Variants in DENND5A observed in about 807,000 individuals in gnomAD.
The protein encoded by DENND5A is DENN domain-containing protein 5A.
DENND5A carries 64 observed loss-of-function variants against 140.3 expected under a neutral mutation model. The ratio of observed to expected loss-of-function variants is 0.46; its 90% confidence interval spans 0.37 to 0.56. The LOEUF (loss-of-function observed/expected upper bound fraction) is 0.56. DENND5A is among the 20% of genes least tolerant of loss of function. The probability of loss-of-function intolerance (pLI) is 0.00; values close to 1 mark genes in which losing one functional copy is unlikely to be tolerated. For synonymous variants in DENND5A, 605 were observed against 607.7 expected, an observed-to-expected ratio of 1.00 and a Z score of 0.07; for missense variants, 1,292 against 1,593.8, an observed-to-expected ratio of 0.81 and a Z score of 3.22.
intron 8 of DENND5A, among the ~76,000 whole-genome samples, chr11:9,175,059 A>C (rs1848503960): frequency 6.6e-6 from 1 of 152,204 alleles, no homozygotes; most frequent in African/African-American, 2.4e-5. Flanking sequence ...TTCACAGGTA[A>C]TATGACTGTC....
chr11:9,139,474 T>G lies in DENND5A; in HGVS notation c.*197A>C. 2 of 585,048 alleles carry G rather than the reference T, an allele frequency of 3.4e-6. No homozygotes were observed. Among genetic ancestry groups the G allele is most frequent in the Non-Finnish European group, 6.0e-6 (2 of 335,480 alleles). The allele number at this position is 585,048 out of a possible 1,614,324, so 36.2% of individuals were successfully genotyped here. A position where few individuals can be genotyped will look rare whatever the true frequency, so the allele number is the denominator to read the frequency against. On this transcript the variant is annotated 3_prime_UTR_variant, in exon 23 of 23. Transcript: ENST00000328194. ...TCCCTCTCCCTATCACTCTTTCACA[T>G]GAAAGTGTGTAAAAAGCAAATCAGC...
chr11:9,188,371 T>G, intron 5 of DENND5A, among the ~76,000 whole-genome samples: 1 of 152,156 alleles, frequency 6.6e-6, no homozygotes, highest in East Asian at 1.9e-4. Context: ...ATCAGCAACA[T>G]GAGAAAAGAC....
rs773130783 is a variant in DENND5A at position 9,145,760 on chromosome 11, G to A, written c.2913C>T (p.Phe971=). Residue 971 remains phenylalanine (F), a synonymous_variant, in exon 17 of 23, where the codon TTC becomes TTT. Transcript: ENST00000328194. ...VPSKKLGGSM[F]TANPWICISG... The stretch of plus-strand genomic sequence containing the variant: ...ATATACAGATCCATGGGTTGGCAGT[G>A]AACATGGAGCCCCCCAGCTTCTTGC... The A allele has an allele frequency of 6.2e-7, 1 of 1,614,182 alleles. No homozygotes were observed. Among genetic ancestry groups the A allele is most frequent in the African/African-American group, 1.3e-5 (1 of 75,046 alleles).
chr11:9,217,093 G>T lies in DENND5A; in HGVS notation c.110-9461C>A, dbSNP rs570778736. Among the ~76,000 whole-genome samples the T allele has an allele frequency of 1.6e-4, 24 of 152,246 alleles. 1 individual carries two copies. The South Asian group carries it at 4.8e-3, about 30-fold the overall frequency. ...CAGCTGATGAACAGATGAATGAAAT[G>T]TATAATAATACAATGGAACATTATT... On this transcript the variant is annotated intron_variant, in intron 1 of 22. Coordinates refer to ENST00000328194, the MANE Select transcript of DENND5A (RefSeq NM_015213.4).
intron 1 of DENND5A, among the ~76,000 whole-genome samples, chr11:9,215,267 A>C (rs796159445): frequency 5.3e-5 from 8 of 152,298 alleles, no homozygotes; most frequent in African/African-American, 1.9e-4. Context: ...GATCCAACTC[A>C]TGTACCTAGT....
At chr11:9,231,990 T>C (rs1207518264) in intron 1 of DENND5A, among the ~76,000 whole-genome samples, 2 of 152,258 alleles carry the variant, frequency 1.3e-5, no homozygotes, top group East Asian at 3.9e-4. Flanking sequence ...ATGGTAATGT[T>C]TCTCTTTCAC....
At chr11:9,155,436 C>T (rs1454542200) in intron 12 of DENND5A, among the ~76,000 whole-genome samples, 1 of 152,140 alleles carries the variant, frequency 6.6e-6, no homozygotes, top group East Asian at 1.9e-4. Context: ...GCCACTATAC[C>T]AGAAGAAGGA....
chr11:9,146,805 T>C (rs745757129), intron 16 of DENND5A: 37 of 496,156 alleles, frequency 7.5e-5, no homozygotes, highest in African/African-American at 9.7e-5. Flanking sequence ...GACAACACAA[T>C]GGCAAAAAAG....
intron 10 of DENND5A, among the ~76,000 whole-genome samples, chr11:9,166,268 G>A (rs936451762): frequency 3.3e-5 from 5 of 151,584 alleles, no homozygotes; most frequent in African/African-American, 4.8e-5. Flanking sequence ...TAGTAGAGAC[G>A]GGGTTTCACC....
intron 5 of DENND5A, among the ~76,000 whole-genome samples, chr11:9,189,628 TTTG>T (rs1408526879): frequency 6.6e-6 from 1 of 151,678 alleles, no homozygotes; most frequent in Admixed American, 6.6e-5. Flanking sequence ...GTTTTTTTTT[TTTG>T]GTTTTTTTGT....
intron 4 of DENND5A, among the ~76,000 whole-genome samples, chr11:9,196,159 G>C (rs1358310581): frequency 6.6e-6 from 1 of 152,100 alleles, no homozygotes. Flanking sequence ...CATCATGTTG[G>C]CAAGGGTGGT....
chr11:9,178,500 T>C (rs1188355099), intron 7 of DENND5A, 134 bp from the exon 8 acceptor site: 1 of 444,248 alleles, frequency 2.3e-6, no homozygotes, highest in Non-Finnish European at 4.0e-6. Flanking sequence ...ATCTCTACAT[T>C]AAAAAAAAAA....
At chr11:9,197,566 G>A (rs919261358) in intron 4 of DENND5A, among the ~76,000 whole-genome samples, 8 of 151,572 alleles carry the variant, frequency 5.3e-5, no homozygotes, top group African/African-American at 7.3e-5. Flanking sequence ...GTGGTTGCAC[G>A]TACCTGTAGT....
At chr11:9,243,086 T>TTA (rs1851305665) in intron 1 of DENND5A, among the ~76,000 whole-genome samples, 3 of 19,076 alleles carry the variant, frequency 1.6e-4, no homozygotes, top group South Asian at 3.1e-3. Context: ...AGACTCTGTC[T>TTA]CAAAAAAAAA....
chr11:9,174,881 CA>C (rs1177761707), intron 8 of DENND5A, among the ~76,000 whole-genome samples: 1 of 151,670 alleles, frequency 6.6e-6, no homozygotes, highest in Non-Finnish European at 1.5e-5. Context: ...CTATGAAAAA[CA>C]AAGGAATAAG....
intron 1 of DENND5A, among the ~76,000 whole-genome samples, chr11:9,235,800 G>C (rs1850975911): frequency 1.3e-5 from 2 of 152,156 alleles, no homozygotes; most frequent in East Asian, 1.9e-4. Context: ...CAGACTACTA[G>C]TTGCCACAGG....
rs1847343929 is a variant in DENND5A at position 9,144,202 on chromosome 11, T to C, written c.3199A>G (p.Thr1067Ala). 6.2e-7 allele frequency: 1 copy of C among 1,614,168 alleles called. No homozygotes were observed. Among genetic ancestry groups the C allele is most frequent in the Non-Finnish European group, 8.5e-7 (1 of 1,180,020 alleles). The change falls in exon 19 of 23, where the codon ACA (threonine) becomes GCA (alanine). Residue 1067 changes from threonine (T) to alanine (A), a missense_variant. Thr to Ala is a moderately conservative substitution (Grantham distance 58). Transcript: ENST00000328194. ...LERILVGELLTSQPEVDERPC... is the reference protein window; with the variant it reads ...LERILVGELLASQPEVDERPC... ...CTCTCATCCACCTCAGGCTGGGATGTGAGCAGCTCCCCAACTAGGATCCGC... is the reference window on the plus strand; with the variant it reads ...CTCTCATCCACCTCAGGCTGGGATGCGAGCAGCTCCCCAACTAGGATCCGC...
intron 4 of DENND5A, among the ~76,000 whole-genome samples, chr11:9,195,983 C>T (rs756391669): frequency 6.6e-6 from 1 of 152,098 alleles, no homozygotes; most frequent in Non-Finnish European, 1.5e-5. Flanking sequence ...GACAAAGTCT[C>T]GCTCTGTCAC....
intron 6 of DENND5A, among the ~76,000 whole-genome samples, chr11:9,179,779 G>A (rs111974804): frequency 0.043 from 6,616 of 152,138 alleles, 446 homozygotes; most frequent in African/African-American, 0.15. Flanking sequence ...GATTACAGGC[G>A]TGAGCCACCG....
Sources: gnomAD v4.1 joint callset for allele counts (sites outside exome capture counted in the v4.1 genomes callset) on GRCh38, gnomAD v4.1.1 for gene constraint, MANE v1.5 for transcripts, NCBI Gene and HGNC (gene_info 2026-07-23, HGNC 2026-07-21) for gene names.